PRKDC: variants seen among roughly 807,000 people sequenced by gnomAD.
PRKDC encodes the protein DNA-dependent protein kinase catalytic subunit.
PRKDC carries 82 observed loss-of-function variants against 486.9 expected under a neutral mutation model. That is an observed-to-expected ratio of 0.17 (90% CI 0.14 to 0.20). The LOEUF (loss-of-function observed/expected upper bound fraction) is 0.20. PRKDC is among the 10% of genes least tolerant of loss of function. The pLI, the probability that PRKDC is intolerant of heterozygous loss-of-function variation, is 1.00. For missense variants in PRKDC, 4,504 were observed against 5,038.2 expected (o/e 0.89, Z 3.21); for synonymous variants, 1,895 against 1,837.0 (o/e 1.03, Z -0.81).
chr8:47,902,665 G>A lies in PRKDC; in HGVS notation c.3173C>T (p.Ser1058Leu), dbSNP rs756961467. The A allele has an allele frequency of 1.1e-5, 18 of 1,613,798 alleles. No individual in the cohort carries two copies. Among genetic ancestry groups the A allele is most frequent in the Middle Eastern group, 1.7e-4 (1 of 6,060 alleles). ...QQEKSPVNTK[S>L]LFKRLYSLAL... ...AAGGCTATAAAGTCGCTTGAAAAGCGATTTGGTGTTTACTGGACTCTTCTC... is the reference window on the plus strand; with the variant it reads ...AAGGCTATAAAGTCGCTTGAAAAGCAATTTGGTGTTTACTGGACTCTTCTC... Residue 1058 changes from serine (S) to leucine (L), a missense_variant, in exon 27 of 86, where the codon TCG becomes TTG. Physicochemically the swap from Ser to Leu is moderately radical, Grantham distance 145. Coordinates refer to ENST00000314191, the MANE Select transcript of PRKDC (RefSeq NM_006904.7).
At chr8:47,803,552 G>A (rs1589707491) in intron 69 of PRKDC, 72 bp from the exon 70 acceptor site, 1 of 1,434,190 alleles carries the variant, frequency 7.0e-7, no homozygotes. Context: ...TAATTGGCCT[G>A]CTTCCCCCTT....
At chr8:47,886,664 T>A (rs936109426) in intron 35 of PRKDC, among the ~76,000 whole-genome samples, 10 of 151,252 alleles carry the variant, frequency 6.6e-5, no homozygotes, top group Non-Finnish European at 1.3e-4. Context: ...AGTGCTAGGA[T>A]TACAGGCAAT....
At chr8:47,849,353 C>G (rs367593043) in intron 53 of PRKDC, 26 bp downstream of exon 53, 2 of 1,613,818 alleles carry the variant, frequency 1.2e-6, no homozygotes, top group South Asian at 2.2e-5. Context: ...CCTCCTGCCC[C>G]GAAAGGATCC....
intron 26 of PRKDC, among the ~76,000 whole-genome samples, chr8:47,903,261 C>T (rs117143956): frequency 3.6e-3 from 553 of 152,270 alleles, no homozygotes; most frequent in Non-Finnish European, 5.9e-3. Context: ...CCTATGGAGG[C>T]ATGAAGAGCA....
chr8:47,826,444 C>T (rs763844888), intron 63 of PRKDC, among the ~76,000 whole-genome samples: 2 of 152,216 alleles, frequency 1.3e-5, no homozygotes, highest in Admixed American at 6.5e-5. Context: ...GTTTAAATAA[C>T]GTTCTCTTTC....
intron 71 of PRKDC, 50 bp downstream of exon 71, chr8:47,800,743 C>T (rs1325320194): frequency 6.7e-7 from 1 of 1,489,922 alleles, no homozygotes; most frequent in Non-Finnish European, 9.0e-7. Context: ...GAACACTGCA[C>T]ATTGAAGACA....
chr8:47,897,392 T>C (rs1199240940), intron 29 of PRKDC, 98 bp from the exon 30 acceptor site: 1 of 1,209,138 alleles, frequency 8.3e-7, no homozygotes, highest in Non-Finnish European at 1.1e-6. Flanking sequence ...ATCACACAGA[T>C]ATATGTAGAA....
At chr8:47,870,973 G>T (rs1021798368) in intron 40 of PRKDC, among the ~76,000 whole-genome samples, 3 of 152,098 alleles carry the variant, frequency 2.0e-5, no homozygotes, top group African/African-American at 7.2e-5. Context: ...TTAAAAGCAG[G>T]ACTGATTAAG....
chr8:47,813,005 CAAAT>C (rs755147765), intron 68 of PRKDC, among the ~76,000 whole-genome samples: 17 of 151,282 alleles, frequency 1.1e-4, no homozygotes, highest in Non-Finnish European at 1.6e-4. Context: ...CTTTAAAAAA[CAAAT>C]AAAGAAGGCA....
chr8:47,948,334 T>G (rs923739536), intron 7 of PRKDC, among the ~76,000 whole-genome samples: 4 of 151,738 alleles, frequency 2.6e-5, no homozygotes, highest in Non-Finnish European at 4.4e-5. Flanking sequence ...GGTCTCGATC[T>G]CTTGACCTTG....
chr8:47,793,943 T>C (rs751522450), intron 74 of PRKDC, among the ~76,000 whole-genome samples: 2 of 152,194 alleles, frequency 1.3e-5, no homozygotes, highest in African/African-American at 4.8e-5. Context: ...TGAGGCCATC[T>C]ACTGAGTCCT....
Position 47,897,175 on chromosome 8 carries a change from A to G in PRKDC, c.3584T>C (p.Val1195Ala), listed in dbSNP as rs751372219. ...HKSIELFYKF[V>A]PLLPGNRSPN... ...GATTACCATACCTGGCAATAAAGGA[A>G]CGAATTTATAAAAGAGTTCAATGGA... is the stretch of plus-strand genomic sequence containing the variant. The change falls in exon 30 of 86, where the codon GTT (valine) becomes GCT (alanine). Residue 1195 changes from valine (V) to alanine (A), a missense_variant. By Grantham distance (64) the Val-to-Ala change is moderately conservative. This residue lies in a region of PRKDC where 1,969 missense variants were observed against 2,068.9 expected (regional missense o/e 0.95). Coordinates refer to ENST00000314191, the MANE Select transcript of PRKDC (RefSeq NM_006904.7). 8.8e-6 allele frequency: 14 copies of G among 1,599,340 alleles called. No homozygotes were observed. The highest frequency in any genetic ancestry group is 1.0e-5 in the Non-Finnish European group (12 of 1,168,128).
chr8:47,930,476 G>C (rs2090231572), intron 17 of PRKDC, among the ~76,000 whole-genome samples, 196 bp downstream of exon 17: 1 of 152,086 alleles, frequency 6.6e-6, no homozygotes. Context: ...GTTTCACCAT[G>C]TTAGCCAGGA....
At chr8:47,852,013 G>A (rs2088417959) in intron 52 of PRKDC, among the ~76,000 whole-genome samples, 1 of 152,218 alleles carries the variant, frequency 6.6e-6, no homozygotes. Flanking sequence ...CTACTCGGGA[G>A]GCTAAGGTGG....
At chr8:47,936,799 G>GT (rs1195056209) in intron 11 of PRKDC, among the ~76,000 whole-genome samples, 3 of 125,620 alleles carry the variant, frequency 2.4e-5, no homozygotes, top group East Asian at 4.8e-4. Context: ...TTTTTTTTTT[G>GT]TATTAAGTAG....
chr8:47,826,174 G>A (rs569804261), intron 63 of PRKDC, among the ~76,000 whole-genome samples: 1 of 152,330 alleles, frequency 6.6e-6, no homozygotes, highest in East Asian at 1.9e-4. Context: ...TGAGATCACA[G>A]AGAAGGGAAG....
At chr8:47,873,432 C>T (rs966935091) in intron 40 of PRKDC, among the ~76,000 whole-genome samples, 7 of 151,796 alleles carry the variant, frequency 4.6e-5, no homozygotes, top group African/African-American at 1.2e-4. Context: ...CCCAGCTACT[C>T]GGGAGGGAAG....
intron 40 of PRKDC, among the ~76,000 whole-genome samples, chr8:47,869,186 G>A (rs1385137386): frequency 6.6e-6 from 1 of 152,026 alleles, no homozygotes; most frequent in Non-Finnish European, 1.5e-5. Flanking sequence ...TGAGATACCA[G>A]CTGTGGCCAC....
intron 77 of PRKDC, 109 bp from the exon 78 acceptor site, chr8:47,783,918 C>A: frequency 9.0e-7 from 1 of 1,109,122 alleles, no homozygotes; most frequent in East Asian, 2.4e-5. Context: ...CATGATAAAA[C>A]CTTTTACTGA....
Sources: allele counts gnomAD v4.1 joint callset (sites outside exome capture counted in the v4.1 genomes callset), GRCh38; gene constraint gnomAD v4.1.1; regional missense constraint gnomAD v4.1.1; transcripts MANE v1.5; gene names NCBI Gene and HGNC (gene_info 2026-07-23, HGNC 2026-07-21).